Variants in GSTCD observed in about 807,000 individuals in gnomAD.
GSTCD encodes the protein glutathione S-transferase C-terminal domain containing, also known as glutathione S-transferase C-terminal domain-containing protein.
Under a neutral mutation model 68.3 loss-of-function variants are expected in GSTCD, and 44 were observed. The observed-to-expected ratio is 0.64, with a 90% CI of 0.51 to 0.83. GSTCD has a LOEUF of 0.83. Among genes scored for constraint, GSTCD ranks in the 40% least tolerant of loss-of-function variants. The pLI is 0.00. For missense variants in GSTCD, 739 were observed against 735.9 expected (o/e 1.00, Z -0.05); for synonymous variants, 273 against 255.2 (o/e 1.07, Z -0.67).
At position 105,823,065 on chromosome 4, in the gene GSTCD, G is replaced by A. The variant is rs1723390475; in HGVS notation, c.1352G>A (p.Gly451Asp). Residue 451 changes from glycine (G) to aspartate (D), a missense_variant, in exon 6 of 12, where the codon GGT (glycine) becomes GAT (aspartate). By Grantham distance (94) the Gly-to-Asp change is moderately conservative. Transcript: ENST00000515279. Reference protein sequence around the residue: ...PGDRIVDFCSGGGHVGIVLAH... With the variant: ...PGDRIVDFCSDGGHVGIVLAH... ...GACAGAATTGTGGATTTCTGCAGCG[G>A]TGGGGTATTTTATCTCTCCTTTCAT... 3 of 1,611,968 alleles carry A rather than the reference G, an allele frequency of 1.9e-6. No homozygotes were observed. The highest frequency in any genetic ancestry group is 1.1e-5 in the South Asian group (1 of 91,016).
rs61736394 is a variant in GSTCD, at chr4:105,845,494, T to C, written c.1819T>C (p.Cys607Arg). 7.6e-5 allele frequency: 122 copies of C among 1,614,022 alleles called. No individual in the cohort carries two copies. Among genetic ancestry groups the C allele is most frequent in the Admixed American group, 1.2e-4 (7 of 59,988 alleles). ...DLDRARAAEECGYSVQVISME... is the reference protein window; with the variant it reads ...DLDRARAAEERGYSVQVISME... ...GGATCGAGCAAGAGCTGCAGAAGAA[T>C]GTGGATACTCCGTTCAAGTGATATC... Residue 607 changes from cysteine (C) to arginine (R), a missense_variant, in exon 12 of 12, where the codon TGT (cysteine) becomes CGT (arginine). Physicochemically the swap from Cys to Arg is radical, Grantham distance 180 (BLOSUM62 -3). Coordinates refer to ENST00000515279, the MANE Select transcript of GSTCD (RefSeq NM_001370181.1).
At chr4:105,744,129 T>C (rs1733727743) in intron 5 of GSTCD, among the ~76,000 whole-genome samples, 1 of 152,198 alleles carries the variant, frequency 6.6e-6, no homozygotes, top group South Asian at 2.1e-4. Flanking sequence ...TTTGGAATAG[T>C]TCAGGCCATA....
At chr4:105,837,621 G>C (rs1388728336) in intron 9 of GSTCD, among the ~76,000 whole-genome samples, 2 of 152,082 alleles carry the variant, frequency 1.3e-5, no homozygotes, top group East Asian at 3.9e-4. Context: ...AGACAAAAAA[G>C]GTGCTTCTCT....
chr4:105,833,386 C>T (rs982764991), intron 8 of GSTCD, among the ~76,000 whole-genome samples: 1 of 152,008 alleles, frequency 6.6e-6, no homozygotes, highest in African/African-American at 2.4e-5. Context: ...TTGCTTGAAC[C>T]CGGGAGGCGG....
chr4:105,769,581 T>C (rs1446663954), intron 5 of GSTCD, among the ~76,000 whole-genome samples: 6 of 152,234 alleles, frequency 3.9e-5, no homozygotes, highest in Non-Finnish European at 7.3e-5. Context: ...CTGTTTTCTC[T>C]TCCTAGAATC....
chr4:105,732,959 T>C (rs944598491), intron 5 of GSTCD, among the ~76,000 whole-genome samples: 1 of 152,232 alleles, frequency 6.6e-6, no homozygotes, highest in African/African-American at 2.4e-5. Flanking sequence ...CCAGTAGTCA[T>C]TCAGGAGCAG....
intron 1 of GSTCD, among the ~76,000 whole-genome samples, 173 bp from the exon 2 acceptor site, chr4:105,717,420 A>G (rs879834255): frequency 1.2e-4 from 18 of 152,046 alleles, no homozygotes; most frequent in Admixed American, 1.0e-3. Flanking sequence ...ACAGGGTGGA[A>G]TTTTTTTCTT....
intron 5 of GSTCD, among the ~76,000 whole-genome samples, chr4:105,734,351 C>T (rs562386867): frequency 1.3e-5 from 2 of 152,366 alleles, no homozygotes; most frequent in Admixed American, 6.5e-5. Context: ...GGTCTTTTCA[C>T]ATAGTCCCAT....
rs551833352 is a variant in GSTCD at position 105,709,965 on chromosome 4, G to T, written c.-22+949G>T. ...ATTTAATAAACATTAAGCTATGCGG[G>T]TTTTTTTTTCTTTTTTTTTAACTGC... On this transcript the variant is annotated intron_variant, in intron 1 of 11. Transcript: ENST00000515279. Among the ~76,000 whole-genome samples the T allele has an allele frequency of 1.1e-4, 16 of 150,728 alleles. No homozygotes were observed. In the South Asian group the frequency reaches 3.4e-3, roughly 32 times the overall value.
At chr4:105,719,620 A>G in intron 3 of GSTCD, 93 bp downstream of exon 3, 2 of 864,292 alleles carry the variant, frequency 2.3e-6, no homozygotes. Context: ...TATTGTCAAT[A>G]TGCTGCTAGG....
At position 105,842,059 on chromosome 4, in the gene GSTCD, T is replaced by G. The variant is rs1363436234; in HGVS notation, c.1696-6T>G. 6.2e-7 allele frequency: 1 copy of G among 1,612,442 alleles called. No homozygotes were observed. ...TAAACCCACATTCTATTGCTTTTTC[T>G]TTTAGGAACACATGATTCTGTGCAG... is the stretch of plus-strand genomic sequence containing the variant. On this transcript the variant is annotated splice_polypyrimidine_tract_variant and splice_region_variant and intron_variant, in intron 10 of 11. Coordinates refer to ENST00000515279, the MANE Select transcript of GSTCD (RefSeq NM_001370181.1).
At chr4:105,711,335 G>A (rs1042410459) in intron 1 of GSTCD, among the ~76,000 whole-genome samples, 2 of 152,198 alleles carry the variant, frequency 1.3e-5, no homozygotes, top group African/African-American at 4.8e-5. Context: ...TATGCACATG[G>A]ATTAAGGGTT....
intron 1 of GSTCD, among the ~76,000 whole-genome samples, chr4:105,715,660 G>A (rs1240845742): frequency 6.8e-6 from 1 of 147,570 alleles, no homozygotes; most frequent in African/African-American, 2.6e-5. Context: ...AAGTGTTTAG[G>A]TCTTGTTTCA....
chr4:105,721,891 C>G (rs1474765095), intron 3 of GSTCD, among the ~76,000 whole-genome samples: 1 of 151,904 alleles, frequency 6.6e-6, no homozygotes, highest in African/African-American at 2.4e-5. Flanking sequence ...AATTTATTTG[C>G]TAGAATTTTC....
intron 4 of GSTCD, among the ~76,000 whole-genome samples, chr4:105,729,020 CTT>C (rs1733138526): frequency 6.6e-6 from 1 of 151,956 alleles, no homozygotes; most frequent in South Asian, 2.1e-4. Flanking sequence ...TAAAGGGAGA[CTT>C]TGATGGACAT....
chr4:105,727,321 C>T (rs1317584977), intron 4 of GSTCD, among the ~76,000 whole-genome samples: 2 of 151,696 alleles, frequency 1.3e-5, no homozygotes, highest in Non-Finnish European at 2.9e-5. Flanking sequence ...GTCAGGAGTT[C>T]GAGACCAGTC....
In GSTCD at chr4:105,837,851, T is replaced by C; in HGVS notation, c.1665-8T>C. 9.3e-7 allele frequency: 1 copy of C among 1,070,378 alleles called. No homozygotes were observed. Among genetic ancestry groups the C allele is most frequent in the Non-Finnish European group, 1.4e-6 (1 of 731,566 alleles). The allele number at this position is 1,070,378 out of a possible 1,614,324, so 66.3% of individuals were successfully genotyped here. A position where few individuals can be genotyped will look rare whatever the true frequency, so the allele number is the denominator to read the frequency against. On this transcript the variant is annotated splice_polypyrimidine_tract_variant and splice_region_variant and intron_variant, in intron 9 of 11. Coordinates refer to ENST00000515279, the MANE Select transcript of GSTCD (RefSeq NM_001370181.1). The stretch of plus-strand genomic sequence containing the variant: ...AATGATGACTAATTCCTTTTTTTTC[T>C]ATTTCAGTGAACAATTCAAGAAAAC...
chr4:105,830,408 A>C (rs1441139399), intron 8 of GSTCD, among the ~76,000 whole-genome samples: 2 of 152,214 alleles, frequency 1.3e-5, no homozygotes, highest in Non-Finnish European at 2.9e-5. Flanking sequence ...TCTAGTAAAA[A>C]AAAGTAAAAT....
intron 4 of GSTCD, among the ~76,000 whole-genome samples, chr4:105,728,331 A>G (rs988121241): frequency 1.3e-5 from 2 of 152,144 alleles, no homozygotes; most frequent in Non-Finnish European, 2.9e-5. Context: ...TGTTTTTTAA[A>G]AAGACCCTAA....
Sources: allele counts gnomAD v4.1 joint callset (sites outside exome capture counted in the v4.1 genomes callset), GRCh38; gene constraint gnomAD v4.1.1; transcripts MANE v1.5; gene names NCBI Gene and HGNC (gene_info 2026-07-23, HGNC 2026-07-21).